The following ZNF521 variants were observed in gnomAD, a reference collection of about 807,000 sequenced individuals.
ZNF521 encodes the protein zinc finger protein 521.
A neutral mutation model predicts 105.5 loss-of-function variants in ZNF521; 14 were observed. The observed-to-expected ratio is 0.13, with a 90% CI of 0.09 to 0.21. The LOEUF (loss-of-function observed/expected upper bound fraction) is 0.21. Among genes scored for constraint, ZNF521 ranks in the 10% least tolerant of loss-of-function variants. The pLI is 1.00. For missense variants in ZNF521, 1,233 were observed against 1,629.7 expected (o/e 0.76, Z 4.19); for synonymous variants, 635 against 606.0 (o/e 1.05, Z -0.70).
intron 3 of ZNF521, among the ~76,000 whole-genome samples, chr18:25,283,502 A>C (rs190909719): frequency 6.6e-4 from 100 of 152,362 alleles, no homozygotes; most frequent in Admixed American, 1.8e-3. Context: ...TTGCTGTATC[A>C]GCAAGAACAT....
intron 2 of ZNF521, among the ~76,000 whole-genome samples, chr18:25,328,266 G>A (rs1270532421): frequency 6.6e-6 from 1 of 152,092 alleles, no homozygotes; most frequent in African/African-American, 2.4e-5. Context: ...CACGGTCCTT[G>A]AAGACCAAAG....
intron 3 of ZNF521, among the ~76,000 whole-genome samples, chr18:25,230,557 T>C (rs1215426972): frequency 6.6e-6 from 1 of 152,232 alleles, no homozygotes; most frequent in East Asian, 1.9e-4. Flanking sequence ...ATGGTGAATA[T>C]AGGTTTAAAC....
At chr18:25,276,203 T>C (rs1910024892) in intron 3 of ZNF521, among the ~76,000 whole-genome samples, 1 of 152,110 alleles carries the variant, frequency 6.6e-6, no homozygotes, top group East Asian at 1.9e-4. Context: ...CATCACTCTC[T>C]CTTTCCTTCC....
chr18:25,112,515 T>C (rs956432808), intron 5 of ZNF521, among the ~76,000 whole-genome samples: 2 of 152,174 alleles, frequency 1.3e-5, no homozygotes, highest in Non-Finnish European at 2.9e-5. Context: ...TTATTGATGA[T>C]AAAGAGCACA....
chr18:25,234,399 G>A (rs1414432936), intron 3 of ZNF521, among the ~76,000 whole-genome samples: 1 of 152,114 alleles, frequency 6.6e-6, no homozygotes, highest in Non-Finnish European at 1.5e-5. Context: ...GTTTATATAT[G>A]ACCTCATACC....
rs201867969 is a variant in ZNF521 at position 25,092,101 on chromosome 18, A to T, written c.3659-20T>A. On this transcript the variant is annotated intron_variant, in intron 5 of 7. Coordinates refer to ENST00000361524, the MANE Select transcript of ZNF521 (RefSeq NM_015461.3). ...CTTCATCTGTCAAGGAAAACACATG[A>T]AGAGAAATGATGAAAACCTGTCATA... 6.2e-7 allele frequency: 1 copy of T among 1,613,316 alleles called. No individual in the cohort carries two copies. The highest frequency in any genetic ancestry group is 2.2e-5 in the East Asian group (1 of 44,856).
At chr18:25,189,159 A>G (rs961698069) in intron 5 of ZNF521, among the ~76,000 whole-genome samples, 5 of 152,148 alleles carry the variant, frequency 3.3e-5, no homozygotes, top group Admixed American at 1.3e-4. Flanking sequence ...CCTTCCTCCA[A>G]GAAGTCATTT....
At chr18:25,139,198 G>T (rs181204977) in intron 5 of ZNF521, among the ~76,000 whole-genome samples, 1 of 151,192 alleles carries the variant, frequency 6.6e-6, no homozygotes, top group African/African-American at 2.4e-5. Flanking sequence ...GTGAAACCCC[G>T]TCTCTACTAA....
intron 4 of ZNF521, among the ~76,000 whole-genome samples, chr18:25,198,616 GA>G (rs552587473): frequency 1.3e-5 from 2 of 151,306 alleles, no homozygotes; most frequent in African/African-American, 2.4e-5. Flanking sequence ...AAACAGAAAA[GA>G]AAAAAAATTA....
chr18:25,341,672 CA>C (rs1289099157), intron 2 of ZNF521, among the ~76,000 whole-genome samples: 3 of 152,152 alleles, frequency 2.0e-5, no homozygotes, highest in Admixed American at 6.5e-5. Context: ...CTTTCGGTGC[CA>C]AAAATGTTTT....
chr18:25,121,212 C>T (rs528650751), intron 5 of ZNF521, among the ~76,000 whole-genome samples: 116 of 143,712 alleles, frequency 8.1e-4, no homozygotes, highest in African/African-American at 2.8e-3. Flanking sequence ...CCCAGGTTCA[C>T]GCCATTCTCC....
chr18:25,333,968 C>T (rs1056504516), intron 2 of ZNF521, among the ~76,000 whole-genome samples: 4 of 152,162 alleles, frequency 2.6e-5, no homozygotes, highest in Admixed American at 6.5e-5. Context: ...AATCTCTTGA[C>T]CTTTGAGTAA....
intron 3 of ZNF521, among the ~76,000 whole-genome samples, chr18:25,250,846 A>C (rs888995815): frequency 6.6e-6 from 1 of 152,242 alleles, no homozygotes; most frequent in African/African-American, 2.4e-5. Context: ...CATTTGGTTA[A>C]AAAATGATTG....
intron 5 of ZNF521, among the ~76,000 whole-genome samples, chr18:25,119,353 T>G (rs1434560973): frequency 6.6e-6 from 1 of 152,146 alleles, no homozygotes; most frequent in African/African-American, 2.4e-5. Context: ...ATACTCAACA[T>G]CTGCAGAATG....
intron 3 of ZNF521, among the ~76,000 whole-genome samples, chr18:25,294,853 CAAAAAAAAAAAAAAAAAAA>C (rs34529787): frequency 1.7e-5 from 1 of 59,526 alleles, no homozygotes; most frequent in African/African-American, 7.6e-5. Context: ...GATTCTGTCT[CAAAAAAAAAAAAAAAAAAA>C]AAAAAAAAAG....
chr18:25,160,829 G>A (rs1268505007), intron 5 of ZNF521, among the ~76,000 whole-genome samples: 1 of 152,124 alleles, frequency 6.6e-6, no homozygotes. Flanking sequence ...GTGTGTATAT[G>A]TGTGTGTTTT....
intron 4 of ZNF521, among the ~76,000 whole-genome samples, chr18:25,197,610 GA>G (rs1222220231): frequency 6.6e-6 from 1 of 151,750 alleles, no homozygotes; most frequent in Non-Finnish European, 1.5e-5. Flanking sequence ...CATTCCCTTG[GA>G]GGTAAATTTA....
Position 25,226,318 on chromosome 18 carries a change from G to C in ZNF521, c.1600C>G (p.Gln534Glu), listed in dbSNP as rs1444728872. The change falls in exon 4 of 8, where the codon CAG becomes GAG. Residue 534 changes from glutamine (Q) to glutamate (E), a missense_variant. Transcript: ENST00000361524. The surrounding 1 kb of genome is among the most constrained non-coding windows in gnomAD (Gnocchi z 4.1). ...TDSSLEEHIR[Q>E]VHCDLSGSRF... ...GAGCCACTGAGGTCACAATGAACCT[G>C]TCTAATATGCTCTTCCAGGGAAGAG... 3 of 1,614,192 alleles carry C rather than the reference G, an allele frequency of 1.9e-6. No individual in the cohort carries two copies. The highest frequency in any genetic ancestry group is 1.7e-6 in the Non-Finnish European group (2 of 1,180,032).
At chr18:25,100,972 G>A (rs74836346) in intron 5 of ZNF521, among the ~76,000 whole-genome samples, 4,347 of 152,262 alleles carry the variant, frequency 0.029, 138 homozygotes, top group Admixed American at 0.099. Context: ...AGGCAGAGGA[G>A]CATTCTGGCC....
Sources: allele counts gnomAD v4.1 joint callset (sites outside exome capture counted in the v4.1 genomes callset), GRCh38; gene constraint gnomAD v4.1.1; non-coding constraint Gnocchi (gnomAD v3.1); transcripts MANE v1.5; gene names NCBI Gene and HGNC (gene_info 2026-07-23, HGNC 2026-07-21).